The following PHLDB3 variants were observed in gnomAD, a reference collection of about 807,000 sequenced individuals.
PHLDB3 encodes pleckstrin homology-like domain family B member 3.
In PHLDB3, 86 loss-of-function variants were observed where a neutral mutation model predicts 85.7. That is an observed-to-expected ratio of 1.00 (90% CI 0.84 to 1.20). The LOEUF is 1.20. PHLDB3 is among the 50% of genes most tolerant of loss of function. The pLI, the probability that PHLDB3 is intolerant of heterozygous loss-of-function variation, is 0.00. For synonymous variants in PHLDB3, 376 were observed against 349.8 expected (o/e 1.07, Z -0.83); for missense variants, 995 against 873.0 (o/e 1.14, Z -1.76).
intron 15 of PHLDB3, among the ~76,000 whole-genome samples, chr19:43,476,821 T>A (rs1249693288): frequency 6.6e-6 from 1 of 152,194 alleles, no homozygotes; most frequent in Non-Finnish European, 1.5e-5. Flanking sequence ...AACATTTAAA[T>A]TTTTGGCACT....
rs1428786846 is a variant in PHLDB3, at chr19:43,478,046, C to G, written c.1788+1G>C. ...GTCAGGGTGACATTGAGGGGCTTCA[C>G]CTTGAAGGCACAGCGTAAGTGGTCA... On this transcript the variant is annotated splice_donor_variant, in intron 15 of 15. Coordinates refer to ENST00000292140, the MANE Select transcript of PHLDB3 (RefSeq NM_198850.4). LOFTEE classifies it high-confidence loss of function. The G allele has an allele frequency of 2.5e-6, 4 of 1,610,634 alleles. No homozygotes were observed. In the Admixed American group the frequency reaches 6.7e-5, roughly 27 times the overall value.
chr19:43,475,257 C>CA lies in PHLDB3; in HGVS notation c.*152dup, dbSNP rs1437462055. On this transcript the variant is annotated 3_prime_UTR_variant, in exon 16 of 16. Coordinates refer to ENST00000292140, the MANE Select transcript of PHLDB3 (RefSeq NM_198850.4). ...ACCTGCAACCCAGAACGCAGCAGCT[C>CA]AGGCCAGCTGAACTGCCGCGCCTGC... is the stretch of plus-strand genomic sequence containing the variant. The CA allele has an allele frequency of 1.4e-5, 15 of 1,106,992 alleles. No individual in the cohort carries two copies. In the East Asian group the frequency reaches 3.9e-4, roughly 29 times the overall value. The allele number at this position is 1,106,992 out of a possible 1,614,324, so 68.6% of individuals were successfully genotyped here.
chr19:43,487,823 G>C (rs1344476744), intron 9 of PHLDB3, among the ~76,000 whole-genome samples: 1 of 151,954 alleles, frequency 6.6e-6, no homozygotes. Flanking sequence ...GAATTGTATA[G>C]GGACGTGAAT....
In PHLDB3 at chr19:43,480,264, T is replaced by TA. The variant is rs57417757; in HGVS notation, c.1486-672dup. Among the ~76,000 whole-genome samples the TA allele has an allele frequency of 8.3e-3, 597 of 71,612 alleles. 6 individuals are homozygous for TA. The highest frequency in any genetic ancestry group is 0.02 in the Middle Eastern group (2 of 102). 47.0% of individuals were successfully genotyped at this position (71,612 alleles called of 152,430 possible). On this transcript the variant is annotated intron_variant, in intron 13 of 15. Transcript: ENST00000292140. ...CAACACAGAAGACCCCTTCTCTATT[T>TA]AAAAAAAAAAAAAAAAAAAAAAAAA...
At chr19:43,491,938 C>T (rs1971323163) in intron 9 of PHLDB3, among the ~76,000 whole-genome samples, 1 of 136,044 alleles carries the variant, frequency 7.4e-6, no homozygotes, top group African/African-American at 2.8e-5. Flanking sequence ...AGCCACTGCA[C>T]CTGGCCGTTT....
chr19:43,487,591 A>AAAAAAAAAC lies in PHLDB3; in HGVS notation c.1150-469_1150-468insGTTTTTTTT, dbSNP rs1167897767. 8.6e-4 allele frequency among the ~76,000 whole-genome samples: 100 copies of AAAAAAAAAC among 115,700 alleles called. 3 individuals are homozygous for AAAAAAAAAC. The highest frequency in any genetic ancestry group is 1.4e-3 in the South Asian group (5 of 3,676). The allele number at this position is 115,700 out of a possible 152,430, so 75.9% of individuals were successfully genotyped here. ...CTCTGTCTCAAAAAAAAAAAAAAAA[A>AAAAAAAAAC]ACACAGAAAAGAAAAAAAGAAATGT... On this transcript the variant is annotated intron_variant, in intron 9 of 15. Coordinates refer to ENST00000292140, the MANE Select transcript of PHLDB3 (RefSeq NM_198850.4).
Position 43,475,191 on chromosome 19 carries a change from G to A in PHLDB3, c.*219C>T, listed in dbSNP as rs1970895548. On this transcript the variant is annotated 3_prime_UTR_variant, in exon 16 of 16. Coordinates refer to ENST00000292140, the MANE Select transcript of PHLDB3 (RefSeq NM_198850.4). The stretch of plus-strand genomic sequence containing the variant: ...CCCCTGCAATCTTCCTCCTGCCCCG[G>A]GCAGGGCCTTAGGGGCCGGCGATCC... 3 of 561,316 alleles carry A rather than the reference G, an allele frequency of 5.3e-6. No individual in the cohort carries two copies. The African/African-American group carries it at 5.7e-5, about 11-fold the overall frequency. 34.8% of individuals were successfully genotyped at this position (561,316 alleles called of 1,614,324 possible). A position where few individuals can be genotyped will look rare whatever the true frequency, so the allele number is the denominator to read the frequency against.
chr19:43,478,159 GAGCC>G, intron 14 of PHLDB3, 27 bp from the exon 15 acceptor site: 1 of 1,564,514 alleles, frequency 6.4e-7, no homozygotes, highest in Non-Finnish European at 8.8e-7. Context: ...GAGAAAAAGA[GAGCC>G]AGTGAGAAAG....
Position 43,503,867 on chromosome 19 carries a change from G to A in PHLDB3, c.213+39C>T, listed in dbSNP as rs1438430565. ...CTGGCCACCTGTTTGGGTCCCCGTCGGTCCAAGCCCCCCGCGCTGTCGCCC... is the reference window on the plus strand; with the variant it reads ...CTGGCCACCTGTTTGGGTCCCCGTCAGTCCAAGCCCCCCGCGCTGTCGCCC... On this transcript the variant is annotated intron_variant, in intron 2 of 15. Transcript: ENST00000292140. 3.7e-6 allele frequency: 6 copies of A among 1,610,888 alleles called. No individual in the cohort carries two copies. The East Asian group carries it at 6.7e-5, about 18-fold the overall frequency.
intron 5 of PHLDB3, among the ~76,000 whole-genome samples, chr19:43,497,506 G>A (rs1216403151): frequency 6.6e-6 from 1 of 152,106 alleles, no homozygotes; most frequent in African/African-American, 2.4e-5. Flanking sequence ...CCTGTCAGGA[G>A]TTCGAAACCA....
Position 43,475,243 on chromosome 19 carries a change from A to G in PHLDB3, c.*167T>C. 1.0e-6 allele frequency: 1 copy of G among 972,670 alleles called. No individual in the cohort carries two copies. The highest frequency in any genetic ancestry group is 1.5e-6 in the Non-Finnish European group (1 of 679,184). 60.3% of individuals were successfully genotyped at this position (972,670 alleles called of 1,614,324 possible). A position where few individuals can be genotyped will look rare whatever the true frequency, so the allele number is the denominator to read the frequency against. ...GTCGGGGGCAAGGCACCTGCAACCC[A>G]GAACGCAGCAGCTCAGGCCAGCTGA... On this transcript the variant is annotated 3_prime_UTR_variant, in exon 16 of 16. Transcript: ENST00000292140.
At chr19:43,492,597 C>T (rs1971345136) in intron 9 of PHLDB3, among the ~76,000 whole-genome samples, 1 of 142,404 alleles carries the variant, frequency 7.0e-6, no homozygotes, top group South Asian at 2.2e-4. Flanking sequence ...TGCACTCTGG[C>T]CTGGGTGACA....
chr19:43,493,006 C>A (rs1194184638), intron 9 of PHLDB3, among the ~76,000 whole-genome samples: 1 of 152,122 alleles, frequency 6.6e-6, no homozygotes, highest in African/African-American at 2.4e-5. Flanking sequence ...GGGCCAGGCA[C>A]AGTGGCTCAC....
intron 13 of PHLDB3, among the ~76,000 whole-genome samples, chr19:43,485,509 C>T (rs1971135221): frequency 6.6e-6 from 1 of 151,568 alleles, no homozygotes; most frequent in South Asian, 2.1e-4. Flanking sequence ...CTGCGCCCGG[C>T]CTAAAAAGTT....
intron 8 of PHLDB3, 113 bp from the exon 9 acceptor site, chr19:43,494,928 A>G: frequency 1.3e-6 from 1 of 748,592 alleles, no homozygotes; most frequent in Non-Finnish European, 2.2e-6. Flanking sequence ...AGAAAGAAAA[A>G]CTAAGGAGAG....
At chr19:43,500,828 A>G (rs1244192036) in intron 4 of PHLDB3, among the ~76,000 whole-genome samples, 1 of 149,884 alleles carries the variant, frequency 6.7e-6, no homozygotes, top group Non-Finnish European at 1.5e-5. Flanking sequence ...TTTCACAGAA[A>G]CGGTGTCTTA....
At chr19:43,482,530 CTGTT>C (rs111789790) in intron 13 of PHLDB3, among the ~76,000 whole-genome samples, 1,981 of 152,040 alleles carry the variant, frequency 0.013, 35 homozygotes, top group African/African-American at 0.045. Flanking sequence ...AGGAGCAATT[CTGTT>C]TGTTTGTTTG....
Position 43,479,363 on chromosome 19 carries a change from C to T in PHLDB3, c.1702+14G>A. ...CCAGCGTCCTGGGGCCCATGGTGGC[C>T]AGGCTGGGCTTACCCGCATAGTAGG... On this transcript the variant is annotated intron_variant, in intron 14 of 15. Coordinates refer to ENST00000292140, the MANE Select transcript of PHLDB3 (RefSeq NM_198850.4). 2 of 1,553,378 alleles carry T rather than the reference C, an allele frequency of 1.3e-6. No individual in the cohort carries two copies. Among genetic ancestry groups the T allele is most frequent in the Non-Finnish European group, 1.7e-6 (2 of 1,148,124 alleles).
intron 4 of PHLDB3, among the ~76,000 whole-genome samples, chr19:43,498,743 AC>A (rs1485633634): frequency 2.6e-5 from 4 of 152,144 alleles, no homozygotes; most frequent in Non-Finnish European, 4.4e-5. Flanking sequence ...CGACAGTGAG[AC>A]CCTGTCTCAA....
Sources: gnomAD v4.1 joint callset for allele counts (sites outside exome capture counted in the v4.1 genomes callset) on GRCh38, gnomAD v4.1.1 for gene constraint, MANE v1.5 for transcripts, NCBI Gene and HGNC (gene_info 2026-07-23, HGNC 2026-07-21) for gene names.